The following ZNF600 variants were observed in gnomAD, a reference collection of about 807,000 sequenced individuals.
ZNF600 encodes zinc finger protein 600, also known as zinc finger protein KR-ZNF1.
Under a neutral mutation model 7.3 loss-of-function variants are expected in ZNF600, and 4 were observed. The ratio of observed to expected loss-of-function variants is 0.55; its 90% CI spans 0.27 to 1.25. ZNF600 has a LOEUF of 1.25. Among genes scored for constraint, ZNF600 ranks in the 50% most tolerant of loss-of-function variants. The pLI, the probability that ZNF600 is intolerant of heterozygous loss-of-function variation, is 0.12. For missense variants in ZNF600, 911 were observed against 922.1 expected (o/e 0.99, Z 0.16); for synonymous variants, 290 against 308.9 (o/e 0.94, Z 0.64).
At chr19:52,790,202 C>T (rs2062787786), upstream of ZNF600, among the ~76,000 whole-genome samples, 1 of 152,194 alleles carries the variant, frequency 6.6e-6, no homozygotes, top group South Asian at 2.1e-4. Context: ...GATGGCCTGG[C>T]CTGGGCTCAG....
At chr19:52,782,061 A>C (rs531698860) in intron 1 of ZNF600, among the ~76,000 whole-genome samples, 1 of 151,648 alleles carries the variant, frequency 6.6e-6, no homozygotes, top group African/African-American at 2.4e-5. Context: ...TCAATAAATA[A>C]ATATATATAT....
At chr19:52,793,767 CA>C in the ZNF600 span, among the ~76,000 whole-genome samples, 312 of 1,966 alleles carry the variant, frequency 0.16, 4 homozygotes, top group African/African-American at 0.29. Flanking sequence ...AACTCTGCCA[CA>C]CACACACACA....
At chr19:52,791,950 G>C in the ZNF600 span, among the ~76,000 whole-genome samples, 2 of 152,208 alleles carry the variant, frequency 1.3e-5, no homozygotes, top group African/African-American at 4.8e-5. Flanking sequence ...TCAGAGCTTC[G>C]ATGCTCAATG....
At chr19:52,798,334 A>T in the ZNF600 span, 2 of 325,548 alleles carry the variant, frequency 6.1e-6, no homozygotes, top group Non-Finnish European at 1.2e-5. Context: ...AATGTCAATT[A>T]ATGCTTAAAC....
chr19:52,768,161 AAAAC>A (rs1215770830), intron 3 of ZNF600, among the ~76,000 whole-genome samples: 1 of 152,130 alleles, frequency 6.6e-6, no homozygotes, highest in Non-Finnish European at 1.5e-5. Context: ...TGCTAAAAAA[AAAAC>A]AAAGAAACCC....
At chr19:52,829,558 G>C in the ZNF600 span, among the ~76,000 whole-genome samples, 2 of 151,648 alleles carry the variant, frequency 1.3e-5, no homozygotes, top group Non-Finnish European at 2.9e-5. Flanking sequence ...ATTTGTAGTA[G>C]AGATGGGGTT....
chr19:52,783,760 C>G (rs1423535880), intron 1 of ZNF600, among the ~76,000 whole-genome samples: 1 of 152,100 alleles, frequency 6.6e-6, no homozygotes, highest in Non-Finnish European at 1.5e-5. Context: ...ATGCCCCTCT[C>G]CTGTTTTGCT....
At chr19:52,820,968 G>GC in the ZNF600 span, among the ~76,000 whole-genome samples, 1 of 152,134 alleles carries the variant, frequency 6.6e-6, no homozygotes, top group South Asian at 2.1e-4. Flanking sequence ...TAAGACACCT[G>GC]CATCTCGGAG....
intron 1 of ZNF600, among the ~76,000 whole-genome samples, chr19:52,782,829 C>T (rs113066532): frequency 0.033 from 5,059 of 151,958 alleles, 265 homozygotes; most frequent in African/African-American, 0.11. Flanking sequence ...GAGTAAAGAT[C>T]GCTCCACTGC....
chr19:52,831,075 G>A, the ZNF600 span, among the ~76,000 whole-genome samples: 1 of 152,026 alleles, frequency 6.6e-6, no homozygotes, highest in East Asian at 1.9e-4. Flanking sequence ...AAATTAAATG[G>A]CCTCTGATAC....
At chr19:52,817,810 T>C in the ZNF600 span, 2 of 1,548,490 alleles carry the variant, frequency 1.3e-6, no homozygotes, top group Non-Finnish European at 1.8e-6. Context: ...TGAGATGAAC[T>C]GAAGGAAGGC....
the ZNF600 span, among the ~76,000 whole-genome samples, chr19:52,806,263 G>A: frequency 6.6e-6 from 1 of 151,720 alleles, no homozygotes; most frequent in African/African-American, 2.4e-5. Context: ...GTGCGATCTC[G>A]GCTCACTGCA....
intron 1 of ZNF600, among the ~76,000 whole-genome samples, chr19:52,781,762 T>TA (rs57635477): frequency 0.011 from 1,497 of 142,358 alleles, 14 homozygotes; most frequent in Non-Finnish European, 0.014. Flanking sequence ...CACTCTATCT[T>TA]AAAAAAAAAA....
At chr19:52,783,240 G>A (rs2062737498) in intron 1 of ZNF600, among the ~76,000 whole-genome samples, 1 of 152,124 alleles carries the variant, frequency 6.6e-6, no homozygotes, top group Admixed American at 6.6e-5. Flanking sequence ...TTTTAAATTT[G>A]TTACATTATA....
the ZNF600 span, chr19:52,799,077 A>T: frequency 1.6e-5 from 7 of 446,310 alleles, no homozygotes; most frequent in Admixed American, 1.0e-4. Context: ...GTGACTGACA[A>T]CTTTGTCACA....
intron 3 of ZNF600, among the ~76,000 whole-genome samples, chr19:52,773,447 C>A (rs1316606841): frequency 6.6e-6 from 1 of 152,106 alleles, no homozygotes; most frequent in Non-Finnish European, 1.5e-5. Context: ...ACAATAATCC[C>A]CTGTGTAGAT....
In ZNF600 at chr19:52,785,493, C is replaced by A. The variant is rs562873540; in HGVS notation, c.-20+1102G>T. On this transcript the variant is annotated intron_variant, in intron 1 of 3. Coordinates refer to ENST00000648973, the Ensembl canonical transcript of ZNF600. ...CGAACTCCGGACCTCAGGTGATCCA[C>A]CCGCCTCAGCCTCCCAAAATGCTGG... 2.0e-5 allele frequency among the ~76,000 whole-genome samples: 3 copies of A among 152,114 alleles called. 1 individual carries two copies. In the South Asian group the frequency reaches 6.2e-4, roughly 32 times the overall value.
exon 4 of ZNF600, chr19:52,765,588 T>C: frequency 3.1e-6 from 5 of 1,613,706 alleles, no homozygotes; most frequent in Non-Finnish European, 4.2e-6. Flanking sequence ...ATCATTACAT[T>C]AGTCAAGTTT....
At chr19:52,785,733 G>C (rs576269236) in intron 1 of ZNF600, among the ~76,000 whole-genome samples, 10 of 152,076 alleles carry the variant, frequency 6.6e-5, no homozygotes, top group East Asian at 1.9e-4. Flanking sequence ...CCCTGCTGTG[G>C]TTCTCCATCT....
Sources: gnomAD v4.1 joint callset for allele counts (sites outside exome capture counted in the v4.1 genomes callset) on GRCh38, gnomAD v4.1.1 for gene constraint, MANE v1.5 for transcripts, NCBI Gene and HGNC (gene_info 2026-07-23, HGNC 2026-07-21) for gene names.